Variants in DIP2B observed in about 807,000 individuals in gnomAD.
DIP2B encodes the protein disco-interacting protein 2 homolog B.
DIP2B carries 76 observed loss-of-function variants against 198.0 expected under a neutral mutation model. The observed-to-expected ratio is 0.38, with a 90% CI of 0.32 to 0.46. The LOEUF (loss-of-function observed/expected upper bound fraction) is 0.46. DIP2B is among the 20% of genes least tolerant of loss of function. The pLI, the probability that DIP2B is intolerant of heterozygous loss-of-function variation, is 0.99. For synonymous variants in DIP2B, 701 were observed against 739.1 expected, an observed-to-expected ratio of 0.95 and a Z score of 0.84; for missense variants, 1,559 against 1,978.4, an observed-to-expected ratio of 0.79 and a Z score of 4.02.
intron 27 of DIP2B, among the ~76,000 whole-genome samples, chr12:50,724,110 A>G (rs1414389972): frequency 6.6e-6 from 1 of 152,216 alleles, no homozygotes; most frequent in Non-Finnish European, 1.5e-5. Flanking sequence ...GCAAAAATGG[A>G]GCCCACAGTA....
chr12:50,559,340 G>T (rs1958498400), intron 1 of DIP2B, among the ~76,000 whole-genome samples: 1 of 144,042 alleles, frequency 6.9e-6, no homozygotes, highest in South Asian at 2.2e-4. Context: ...TTGCTGGGCT[G>T]GCATAACAAA....
At chr12:50,523,393 A>G (rs984600416) in intron 1 of DIP2B, among the ~76,000 whole-genome samples, 1 of 152,032 alleles carries the variant, frequency 6.6e-6, no homozygotes, top group Non-Finnish European at 1.5e-5. Flanking sequence ...TTTTTCCTCC[A>G]CCTATTTTCA....
At chr12:50,712,591 G>A (rs1259281839) in intron 22 of DIP2B, among the ~76,000 whole-genome samples, 2 of 149,120 alleles carry the variant, frequency 1.3e-5, no homozygotes, top group African/African-American at 2.5e-5. Flanking sequence ...GAGAAAAAGC[G>A]AGACTCCATC....
chr12:50,568,065 C>T (rs1367244757), intron 1 of DIP2B, among the ~76,000 whole-genome samples: 6 of 152,152 alleles, frequency 3.9e-5, no homozygotes, highest in South Asian at 2.1e-4. Flanking sequence ...GTTCAGATCT[C>T]GAGTTTGTTC....
At chr12:50,695,242 C>T (rs1190820079) in intron 14 of DIP2B, 25 bp from the exon 15 acceptor site, 1 of 1,593,862 alleles carries the variant, frequency 6.3e-7, no homozygotes, top group Non-Finnish European at 8.6e-7. Flanking sequence ...GTATTGATTA[C>T]TTTTCTTCTT....
At chr12:50,690,996 T>C in intron 12 of DIP2B, 53 bp from the exon 13 acceptor site, 1 of 1,505,980 alleles carries the variant, frequency 6.6e-7, no homozygotes, top group Non-Finnish European at 9.2e-7. Context: ...AGTTTTGTCA[T>C]CTGAAATAAC....
At chr12:50,734,407 A>G (rs1471660142) in intron 33 of DIP2B, among the ~76,000 whole-genome samples, 1 of 152,258 alleles carries the variant, frequency 6.6e-6, no homozygotes, top group Non-Finnish European at 1.5e-5. Flanking sequence ...GTTCTTTAAT[A>G]TTAAAGTATA....
chr12:50,566,785 C>T (rs1010285087), intron 1 of DIP2B, among the ~76,000 whole-genome samples: 5 of 152,000 alleles, frequency 3.3e-5, no homozygotes, highest in Non-Finnish European at 7.4e-5. Context: ...CTGGCTAACA[C>T]GGTGAAACCC....
intron 1 of DIP2B, among the ~76,000 whole-genome samples, chr12:50,571,896 A>G (rs758983257): frequency 6.6e-6 from 1 of 152,166 alleles, no homozygotes; most frequent in South Asian, 2.1e-4. Flanking sequence ...TAACTTTAAC[A>G]TACAGCCAGG....
chr12:50,517,109 T>A (rs979752957), intron 1 of DIP2B, among the ~76,000 whole-genome samples: 1 of 152,000 alleles, frequency 6.6e-6, no homozygotes, highest in Non-Finnish European at 1.5e-5. Context: ...TTAGTAGAGA[T>A]GGGGTTTCAC....
At chr12:50,729,314 A>G (rs542072030) in intron 30 of DIP2B, among the ~76,000 whole-genome samples, 4 of 152,280 alleles carry the variant, frequency 2.6e-5, no homozygotes, top group African/African-American at 9.6e-5. Context: ...CAGATTCTGT[A>G]TCTTTATGTC....
At chr12:50,671,503 A>G (rs1230293153) in intron 5 of DIP2B, 105 bp downstream of exon 5, 3 of 1,105,298 alleles carry the variant, frequency 2.7e-6, no homozygotes, top group East Asian at 2.4e-5. Flanking sequence ...ATGGCCTAAA[A>G]AAAAGAATTA....
intron 1 of DIP2B, among the ~76,000 whole-genome samples, chr12:50,593,595 G>A (rs55877451): frequency 0.27 from 40,547 of 150,350 alleles, 5,811 homozygotes; most frequent in East Asian, 0.39. Context: ...ATGAGAAAGA[G>A]CCCATCAGAG....
chr12:50,735,189 A>C, intron 34 of DIP2B, 59 bp downstream of exon 34: 1 of 1,575,992 alleles, frequency 6.3e-7, no homozygotes, highest in South Asian at 1.1e-5. Context: ...GTTCAGTTTA[A>C]AGAAACCAGA....
intron 1 of DIP2B, among the ~76,000 whole-genome samples, chr12:50,589,159 A>T (rs1439896938): frequency 6.6e-6 from 1 of 151,932 alleles, no homozygotes; most frequent in East Asian, 1.9e-4. Context: ...ACTCCAGCCT[A>T]GGAAACAGGG....
chr12:50,669,721 G>A lies in DIP2B; in HGVS notation c.428-1465G>A, dbSNP rs146925547. ...ATTACAGGCCTGAGCCACTGCATCC[G>A]GCCCATTATTTTAACTTTCTCTCTT... On this transcript the variant is annotated intron_variant, in intron 4 of 37. Coordinates refer to ENST00000301180, the MANE Select transcript of DIP2B (RefSeq NM_173602.3). 1.4e-4 allele frequency among the ~76,000 whole-genome samples: 22 copies of A among 152,192 alleles called. No individual in the cohort carries two copies. The East Asian group carries it at 2.9e-3, about 20-fold the overall frequency.
chr12:50,555,100 T>C lies in DIP2B; in HGVS notation c.100+49860T>C, dbSNP rs1593605336. ...CCCATTTTTTATCTCTTTTTTGGAA[T>C]ATAATATTCTTGCCCTCAACTCTTC... On this transcript the variant is annotated intron_variant, in intron 1 of 37. Coordinates refer to ENST00000301180, the MANE Select transcript of DIP2B (RefSeq NM_173602.3). 2.0e-5 allele frequency among the ~76,000 whole-genome samples: 3 copies of C among 152,254 alleles called. No individual in the cohort carries two copies. In the East Asian group the frequency reaches 5.8e-4, roughly 29 times the overall value.
chr12:50,575,668 G>A (rs549036139), intron 1 of DIP2B, among the ~76,000 whole-genome samples: 1 of 152,256 alleles, frequency 6.6e-6, no homozygotes, highest in African/African-American at 2.4e-5. Context: ...ACAGGTGCCT[G>A]TGCCCAACCA....
At chr12:50,548,292 T>C (rs1958394610) in intron 1 of DIP2B, among the ~76,000 whole-genome samples, 1 of 152,080 alleles carries the variant, frequency 6.6e-6, no homozygotes, top group African/African-American at 2.4e-5. Flanking sequence ...AAGAAAAAAC[T>C]AAAAATTAAT....
Sources: allele counts gnomAD v4.1 joint callset (sites outside exome capture counted in the v4.1 genomes callset), GRCh38; gene constraint gnomAD v4.1.1; transcripts MANE v1.5; gene names NCBI Gene and HGNC (gene_info 2026-07-23, HGNC 2026-07-21).